OSTM1: variants seen among roughly 807,000 people sequenced by gnomAD.
OSTM1 encodes the protein osteopetrosis-associated transmembrane protein 1.
In OSTM1, 26 loss-of-function variants were observed where a neutral mutation model predicts 35.4. The observed-to-expected ratio is 0.73, with a 90% CI of 0.54 to 1.02. The LOEUF is 1.02. OSTM1 is among the 50% of genes least tolerant of loss of function. The pLI, the probability that OSTM1 is intolerant of heterozygous loss-of-function variation, is 0.00. For missense variants in OSTM1, 366 were observed against 409.6 expected (o/e 0.89, Z 0.92); for synonymous variants, 181 against 165.0 (o/e 1.10, Z -0.75).
chr6:108,062,334 G>A (rs138776395), intron 2 of OSTM1, among the ~76,000 whole-genome samples: 3 of 152,214 alleles, frequency 2.0e-5, no homozygotes, highest in Non-Finnish European at 2.9e-5. Context: ...CCAAGTAGAT[G>A]AAGCAGGATG....
intron 1 of OSTM1, among the ~76,000 whole-genome samples, chr6:108,070,670 AC>A (rs1268543158): frequency 6.6e-6 from 1 of 151,592 alleles, no homozygotes; most frequent in Non-Finnish European, 1.5e-5. Context: ...CGGGTGGACC[AC>A]CTGAGGTCAG....
In OSTM1 at chr6:108,041,941, T is replaced by C. The variant is rs973623633; in HGVS notation, c.*2844A>G. ...AAATGGTTATATAGGTTAATAGTAT[T>C]TTTTGCTTTTCAAAATTCATTGCTG... On this transcript the variant is annotated 3_prime_UTR_variant, in exon 6 of 6. Coordinates refer to ENST00000193322, the MANE Select transcript of OSTM1 (RefSeq NM_014028.4). The C allele has an allele frequency of 1.3e-5, 2 of 152,188 alleles. No individual in the cohort carries two copies. Among genetic ancestry groups the C allele is most frequent in the African/African-American group, 4.8e-5 (2 of 41,452 alleles). The allele number at this position is 152,188 out of a possible 1,614,324, so 9.4% of individuals were successfully genotyped here.
intron 2 of OSTM1, among the ~76,000 whole-genome samples, chr6:108,059,842 GGATGATGAAT>G (rs1403637346): frequency 6.6e-6 from 1 of 151,980 alleles, no homozygotes; most frequent in African/African-American, 2.4e-5. Context: ...CACATAAATG[GGATGATGAAT>G]GATGATAATT....
chr6:108,048,682 T>C (rs1404631055), intron 5 of OSTM1, among the ~76,000 whole-genome samples: 1 of 152,014 alleles, frequency 6.6e-6, no homozygotes, highest in East Asian at 1.9e-4. Context: ...CTTCTGTTGT[T>C]GCCAACCTTA....
intron 4 of OSTM1, among the ~76,000 whole-genome samples, chr6:108,050,456 C>T (rs187746262): frequency 6.6e-6 from 1 of 151,204 alleles, no homozygotes; most frequent in East Asian, 1.9e-4. Flanking sequence ...CTCTCCCTCC[C>T]GGTTTCAAGC....
intron 2 of OSTM1, among the ~76,000 whole-genome samples, chr6:108,061,853 C>T (rs540901906): frequency 1.3e-5 from 2 of 151,962 alleles, no homozygotes; most frequent in East Asian, 3.9e-4. Flanking sequence ...AAAAAAAAAC[C>T]CTTTTAAAAA....
In OSTM1 at chr6:108,056,711, C is replaced by T. The variant is rs575978384; in HGVS notation, c.518-2124G>A. Reference sequence around the variant, plus strand: ...TGTACAGCCCCCTTGTGCAGGGCTCCTTCTGCACCCATTGTACACAGGATC... The same window carrying T: ...TGTACAGCCCCCTTGTGCAGGGCTCTTTCTGCACCCATTGTACACAGGATC... On this transcript the variant is annotated intron_variant, in intron 2 of 5. Coordinates refer to ENST00000193322, the MANE Select transcript of OSTM1 (RefSeq NM_014028.4). Among the ~76,000 whole-genome samples, 99 of 152,332 alleles carry T rather than the reference C, an allele frequency of 6.5e-4. 1 individual carries two copies. The Middle Eastern group carries it at 0.034, about 52-fold the overall frequency.
chr6:108,067,086 A>C lies in OSTM1; in HGVS notation c.403-2787T>G, dbSNP rs1189448068. 2.0e-5 allele frequency among the ~76,000 whole-genome samples: 3 copies of C among 152,128 alleles called. No homozygotes were observed. In the East Asian group the frequency reaches 5.8e-4, roughly 29 times the overall value. On this transcript the variant is annotated intron_variant, in intron 1 of 5. Coordinates refer to ENST00000193322, the MANE Select transcript of OSTM1 (RefSeq NM_014028.4). ...AGATTAATTCCAAAGTAAATCCATAATCCCAAACCGTACTCCTCACTTTTC... is the reference window on the plus strand; with the variant it reads ...AGATTAATTCCAAAGTAAATCCATACTCCCAAACCGTACTCCTCACTTTTC...
At chr6:108,048,836 C>T (rs1158930537) in intron 5 of OSTM1, among the ~76,000 whole-genome samples, 2 of 150,148 alleles carry the variant, frequency 1.3e-5, no homozygotes, top group Non-Finnish European at 2.9e-5. Context: ...ACTGCAACCT[C>T]CGCCTCCCAA....
chr6:108,044,926 TA>T (rs1242454413), intron 5 of OSTM1, 86 bp from the exon 6 acceptor site: 9 of 657,850 alleles, frequency 1.4e-5, no homozygotes, highest in Non-Finnish European at 2.2e-5. Flanking sequence ...CTATAGTATT[TA>T]TCTATTAATT....
At chr6:108,047,775 A>C (rs1364364683) in intron 5 of OSTM1, among the ~76,000 whole-genome samples, 2 of 152,218 alleles carry the variant, frequency 1.3e-5, no homozygotes. Flanking sequence ...AATGACTACA[A>C]GGTTTGTGGC....
intron 5 of OSTM1, among the ~76,000 whole-genome samples, chr6:108,046,325 A>T (rs1582385429): frequency 9.0e-6 from 1 of 111,006 alleles, no homozygotes; most frequent in African/African-American, 3.6e-5. Context: ...TGGCCTACCA[A>T]TGTCTCTGGT....
Position 108,074,286 on chromosome 6 carries a change from G to C in OSTM1, c.366C>G (p.Val122=), listed in dbSNP as rs775254985. 6.2e-7 allele frequency: 1 copy of C among 1,612,352 alleles called. No individual in the cohort carries two copies. The highest frequency in any genetic ancestry group is 8.5e-7 in the Non-Finnish European group (1 of 1,179,968). The change falls in exon 1 of 6, where the codon GTC becomes GTG. Residue 122 remains valine, a synonymous_variant. Coordinates refer to ENST00000193322, the MANE Select transcript of OSTM1 (RefSeq NM_014028.4). ...GGCTGATGTTGTCCATCTTGCTGACGACCTGTTGGAAGAGGGGGTAGCAGG... is the reference window on the plus strand; with the variant it reads ...GGCTGATGTTGTCCATCTTGCTGACCACCTGTTGGAAGAGGGGGTAGCAGG... ...CQTCYPLFQQ[V]VSKMDNISRA...
chr6:108,055,546 C>A (rs1301182790), intron 2 of OSTM1, among the ~76,000 whole-genome samples: 1 of 152,182 alleles, frequency 6.6e-6, no homozygotes, highest in South Asian at 2.1e-4. Flanking sequence ...GTGTTCTCAG[C>A]CTGCTATCTC....
Position 108,044,691 on chromosome 6 carries a change from G to T in OSTM1, c.*94C>A. 1 of 739,764 alleles carries T rather than the reference G, an allele frequency of 1.4e-6. No individual in the cohort carries two copies. Among genetic ancestry groups the T allele is most frequent in the South Asian group, 1.8e-5 (1 of 56,982 alleles). The allele number at this position is 739,764 out of a possible 1,614,324, so 45.8% of individuals were successfully genotyped here. ...AAGTCCTTGTATTTCTTAAGAGCTT[G>T]ACTTGTCAAATCACAGTTTATCTTC... On this transcript the variant is annotated 3_prime_UTR_variant, in exon 6 of 6. Coordinates refer to ENST00000193322, the MANE Select transcript of OSTM1 (RefSeq NM_014028.4).
intron 4 of OSTM1, chr6:108,049,639 C>G: frequency 9.0e-7 from 1 of 1,113,464 alleles, no homozygotes; most frequent in East Asian, 3.1e-5. Context: ...ATTTCATATT[C>G]TAAGTCCATA....
chr6:108,045,233 T>G (rs1167168964), intron 5 of OSTM1, among the ~76,000 whole-genome samples: 2 of 152,066 alleles, frequency 1.3e-5, no homozygotes, highest in Non-Finnish European at 2.9e-5. Flanking sequence ...AAGAATTCAG[T>G]GAAAACTTCC....
rs756570646 is a variant in OSTM1, at chr6:108,051,019, C to G, written c.783+12G>C. The G allele has an allele frequency of 1.2e-6, 2 of 1,602,178 alleles. No homozygotes were observed. Among genetic ancestry groups the G allele is most frequent in the Admixed American group, 3.3e-5 (2 of 60,006 alleles). ...TCTAAAATATGTATCACATCAGAAG[C>G]AAAGTACTTACTGCATCTTCCACAT... On this transcript the variant is annotated intron_variant, in intron 4 of 5. Coordinates refer to ENST00000193322, the MANE Select transcript of OSTM1 (RefSeq NM_014028.4).
rs952923142 is a variant in OSTM1, at chr6:108,044,019, CTT to C, written c.*764_*765del. On this transcript the variant is annotated 3_prime_UTR_variant, in exon 6 of 6. Transcript: ENST00000193322. ...TAATAAATTATAAATTGCCAAATAA[CTT>C]AATGTAATTCACGATGCAAATCCTT... is the stretch of plus-strand genomic sequence containing the variant. The C allele has an allele frequency of 6.6e-6, 1 of 152,562 alleles. No individual in the cohort carries two copies. Among genetic ancestry groups the C allele is most frequent in the Non-Finnish European group, 1.5e-5 (1 of 68,014 alleles). 9.5% of individuals were successfully genotyped at this position (152,562 alleles called of 1,614,324 possible). A position where few individuals can be genotyped will look rare whatever the true frequency, so the allele number is the denominator to read the frequency against.
Sources: allele counts gnomAD v4.1 joint callset (sites outside exome capture counted in the v4.1 genomes callset), GRCh38; gene constraint gnomAD v4.1.1; transcripts MANE v1.5; gene names NCBI Gene and HGNC (gene_info 2026-07-23, HGNC 2026-07-21).